ANKS1B: variants seen among roughly 807,000 people sequenced by gnomAD.
ANKS1B encodes the protein ankyrin repeat and sterile alpha motif domain-containing protein 1B.
ANKS1B carries 36 observed loss-of-function variants against 148.3 expected under a neutral mutation model. The observed-to-expected ratio is 0.24, with a 90% CI of 0.19 to 0.32. The LOEUF (loss-of-function observed/expected upper bound fraction) is 0.32. Ranked by LOEUF, ANKS1B falls within the 10% of genes least tolerant of loss-of-function variation. The probability of loss-of-function intolerance (pLI) is 1.00; values close to 1 mark genes in which losing one functional copy is unlikely to be tolerated. For synonymous variants in ANKS1B, 542 were observed against 560.8 expected (o/e 0.97, Z 0.47); for missense variants, 1,157 against 1,542.6 (o/e 0.75, Z 4.19).
chr12:99,705,087 C>A (rs2055517815), intron 8 of ANKS1B, among the ~76,000 whole-genome samples: 1 of 151,984 alleles, frequency 6.6e-6, no homozygotes. Flanking sequence ...GAATTCCATA[C>A]CAGATATGTC....
chr12:98,925,882 A>G (rs1291332601), intron 17 of ANKS1B, among the ~76,000 whole-genome samples: 1 of 152,190 alleles, frequency 6.6e-6, no homozygotes, highest in Non-Finnish European at 1.5e-5. Flanking sequence ...CCCTGACCCC[A>G]GCTAATTTTT....
intron 12 of ANKS1B, among the ~76,000 whole-genome samples, chr12:99,289,671 A>G (rs879607061): frequency 1.3e-5 from 2 of 152,084 alleles, no homozygotes; most frequent in Non-Finnish European, 2.9e-5. Flanking sequence ...CTGAATGACC[A>G]GTGAATTAAT....
At chr12:99,460,984 T>C (rs946598683) in intron 10 of ANKS1B, among the ~76,000 whole-genome samples, 2 of 151,762 alleles carry the variant, frequency 1.3e-5, no homozygotes, top group African/African-American at 2.4e-5. Flanking sequence ...TGCAAAAATA[T>C]AGAACCAGCC....
chr12:99,088,640 T>C (rs2052814921), intron 15 of ANKS1B, among the ~76,000 whole-genome samples: 2 of 152,200 alleles, frequency 1.3e-5, no homozygotes, highest in South Asian at 4.1e-4. Context: ...ATTTTTGTAG[T>C]AGTACGGATT....
intron 12 of ANKS1B, among the ~76,000 whole-genome samples, chr12:99,314,489 G>C (rs1443358368): frequency 1.3e-5 from 2 of 152,078 alleles, no homozygotes; most frequent in Non-Finnish European, 2.9e-5. Flanking sequence ...AACAAAGCTG[G>C]AGTCATCATG....
At chr12:99,089,930 C>T (rs1260576034) in intron 15 of ANKS1B, among the ~76,000 whole-genome samples, 1 of 152,022 alleles carries the variant, frequency 6.6e-6, no homozygotes, top group African/African-American at 2.4e-5. Context: ...GATCAAAGAC[C>T]CAAATGCAGT....
At chr12:98,808,075 T>C (rs924026026) in intron 19 of ANKS1B, among the ~76,000 whole-genome samples, 157 bp from the exon 20 acceptor site, 6 of 152,240 alleles carry the variant, frequency 3.9e-5, no homozygotes, top group Non-Finnish European at 7.3e-5. Flanking sequence ...GGTTTAATAA[T>C]TGACTTCCAA....
At chr12:99,831,747 C>G (rs1363591415) in intron 1 of ANKS1B, among the ~76,000 whole-genome samples, 1 of 151,938 alleles carries the variant, frequency 6.6e-6, no homozygotes, top group Non-Finnish European at 1.5e-5. Flanking sequence ...TGTGAACCTC[C>G]CTGGGAGGAG....
intron 9 of ANKS1B, among the ~76,000 whole-genome samples, chr12:99,508,139 T>C (rs1203468467): frequency 6.6e-6 from 1 of 151,958 alleles, no homozygotes; most frequent in East Asian, 1.9e-4. Context: ...TTTCTGAATT[T>C]CATCTATTTT....
intron 14 of ANKS1B, among the ~76,000 whole-genome samples, chr12:99,175,393 A>C (rs1181207768): frequency 6.6e-6 from 1 of 152,230 alleles, no homozygotes; most frequent in African/African-American, 2.4e-5. Context: ...CTAAACATGG[A>C]ATTCATTTGT....
intron 10 of ANKS1B, among the ~76,000 whole-genome samples, chr12:99,494,122 T>C (rs565114938): frequency 3.9e-4 from 59 of 152,206 alleles, no homozygotes; most frequent in African/African-American, 1.3e-3. Context: ...CAGATGGAGG[T>C]GTCGCCAACC....
intron 12 of ANKS1B, among the ~76,000 whole-genome samples, chr12:99,340,947 A>G (rs1464232962): frequency 6.6e-6 from 1 of 152,136 alleles, no homozygotes; most frequent in Non-Finnish European, 1.5e-5. Context: ...CTCAATATAT[A>G]TATTTAAATT....
At chr12:99,541,771 C>G (rs1001239295) in intron 9 of ANKS1B, among the ~76,000 whole-genome samples, 4 of 151,996 alleles carry the variant, frequency 2.6e-5, no homozygotes, top group Admixed American at 1.3e-4. Flanking sequence ...AGAAGAACCA[C>G]TTGAACCTGC....
chr12:98,844,270 G>C (rs1247340331), intron 17 of ANKS1B, among the ~76,000 whole-genome samples: 1 of 152,180 alleles, frequency 6.6e-6, no homozygotes, highest in Non-Finnish European at 1.5e-5. Flanking sequence ...TAATTGTTAG[G>C]ATTAAATGAG....
intron 12 of ANKS1B, among the ~76,000 whole-genome samples, chr12:99,368,328 T>A (rs1042028789): frequency 3.9e-5 from 6 of 152,044 alleles, no homozygotes; most frequent in African/African-American, 1.4e-4. Context: ...CTGAGCATTA[T>A]GCAATATAGC....
intron 12 of ANKS1B, among the ~76,000 whole-genome samples, chr12:99,320,589 T>C (rs2085066862): frequency 6.6e-6 from 1 of 152,166 alleles, no homozygotes; most frequent in Admixed American, 6.5e-5. Flanking sequence ...AGTTAGCCAT[T>C]CGTCTAATCT....
At chr12:99,729,212 C>T (rs917880590) in intron 8 of ANKS1B, among the ~76,000 whole-genome samples, 4 of 152,010 alleles carry the variant, frequency 2.6e-5, no homozygotes, top group Admixed American at 6.6e-5. Flanking sequence ...ACGCTTTTTC[C>T]GAGTATAAAA....
chr12:99,980,018 G>GA (rs200039726), intron 1 of ANKS1B, among the ~76,000 whole-genome samples: 2 of 149,650 alleles, frequency 1.3e-5, no homozygotes, highest in Non-Finnish European at 1.5e-5. Flanking sequence ...TCAGAAAGAA[G>GA]AAAAAAAAGA....
chr12:99,397,352 G>A (rs2094278771), intron 12 of ANKS1B, among the ~76,000 whole-genome samples: 1 of 152,144 alleles, frequency 6.6e-6, no homozygotes, highest in Non-Finnish European at 1.5e-5. Context: ...AGCTAGGTAA[G>A]AGGCTCAGTT....
Sources: gnomAD v4.1 joint callset for allele counts (sites outside exome capture counted in the v4.1 genomes callset) on GRCh38, gnomAD v4.1.1 for gene constraint, MANE v1.5 for transcripts, NCBI Gene and HGNC (gene_info 2026-07-23, HGNC 2026-07-21) for gene names.